TMEM209: variants seen among roughly 807,000 people sequenced by gnomAD.
TMEM209 encodes testicular tissue protein Li 202.
TMEM209 carries 65 observed loss-of-function variants against 76.2 expected under a neutral mutation model. The observed-to-expected ratio is 0.85, with a 90% confidence interval of 0.70 to 1.05. TMEM209 has a LOEUF of 1.05. Ranked by LOEUF, TMEM209 falls within the 50% of genes least tolerant of loss-of-function variation. The pLI is 0.00. For synonymous variants in TMEM209, 239 were observed against 237.6 expected (o/e 1.01, Z -0.06); for missense variants, 623 against 685.5 (o/e 0.91, Z 1.02).
At chr7:130,184,354 GA>G (rs35198708) in intron 7 of TMEM209, 99 bp from the exon 8 acceptor site, 18 of 902,452 alleles carry the variant, frequency 2.0e-5, no homozygotes, top group Admixed American at 9.0e-5. Context: ...AATGAACTTT[GA>G]AAAAAAATTT....
rs78438501 is a variant in TMEM209 at position 130,201,250 on chromosome 7, G to A, written c.573+600C>T. Among the ~76,000 whole-genome samples the A allele has an allele frequency of 3.7e-3, 566 of 151,918 alleles. 6 individuals carry two copies. Among genetic ancestry groups the A allele is most frequent in the African/African-American group, 0.012 (499 of 41,464 alleles). ...CTGAAATGACCACTCTTCTTTCAAC[G>A]CCCCCTTATATTAATAGTTTTATGC... On this transcript the variant is annotated intron_variant, in intron 5 of 14. Transcript: ENST00000397622.
chr7:130,170,242 T>C (rs1797025218), intron 14 of TMEM209, among the ~76,000 whole-genome samples, 158 bp downstream of exon 14: 1 of 152,240 alleles, frequency 6.6e-6, no homozygotes, highest in Non-Finnish European at 1.5e-5. Flanking sequence ...GCTAATGGAT[T>C]GCCCAAAATA....
intron 11 of TMEM209, among the ~76,000 whole-genome samples, chr7:130,174,966 G>A (rs893950419): frequency 6.6e-6 from 1 of 151,810 alleles, no homozygotes; most frequent in African/African-American, 2.4e-5. Flanking sequence ...TTTACATACC[G>A]GAGAATTACA....
intron 6 of TMEM209, among the ~76,000 whole-genome samples, chr7:130,191,817 A>C (rs145367417): frequency 6.6e-6 from 1 of 152,372 alleles, no homozygotes; most frequent in African/African-American, 2.4e-5. Context: ...ACTCTGTATT[A>C]AAGTTTCAGT....
chr7:130,184,501 T>C (rs1797528727), intron 7 of TMEM209, among the ~76,000 whole-genome samples: 1 of 151,384 alleles, frequency 6.6e-6, no homozygotes, highest in Admixed American at 6.6e-5. Flanking sequence ...TTGCTTTTTT[T>C]TTTTTTTTTG....
Position 130,201,849 on chromosome 7 carries a change from CCTT to C in TMEM209, c.571_573del (p.Lys191del). ...ACTAGACAAGAGAAGAGAGTCATTA[CCTT>C]ATTATAACCACTGACGGGCGAGTAG... On this transcript the variant is annotated inframe_deletion and splice_region_variant, in exon 5 of 15. Transcript: ENST00000397622. 9 of 1,613,852 alleles carry C rather than the reference CCTT, an allele frequency of 5.6e-6. No homozygotes were observed. The highest frequency in any genetic ancestry group is 7.6e-6 in the Non-Finnish European group (9 of 1,179,864).
chr7:130,202,627 A>T lies in TMEM209; in HGVS notation c.236T>A (p.Leu79Ter). Reference sequence around the variant, plus strand: ...TTTGAAATATCTCCAAAAATCAAATAAGGCATTAAGGCTGAAGAGAGATGC... The same window carrying T: ...TTTGAAATATCTCCAAAAATCAAATTAGGCATTAAGGCTGAAGAGAGATGC... ...ALASLFSLNALFDFWRYFKYT... is the reference protein window; with the variant it reads ...ALASLFSLNA The change falls in exon 4 of 15, where the codon TTA becomes TAA. Residue 79 changes from leucine to a stop codon, truncating the protein, a stop_gained. Coordinates refer to ENST00000397622, the MANE Select transcript of TMEM209 (RefSeq NM_032842.4). LOFTEE classifies it high-confidence loss of function. 6.2e-7 allele frequency: 1 copy of T among 1,613,904 alleles called. No individual in the cohort carries two copies. Among genetic ancestry groups the T allele is most frequent in the Non-Finnish European group, 8.5e-7 (1 of 1,179,832 alleles).
At chr7:130,185,043 A>G (rs1797549423) in intron 7 of TMEM209, 149 bp downstream of exon 7, 2 of 912,132 alleles carry the variant, frequency 2.2e-6, no homozygotes, top group Non-Finnish European at 3.2e-6. Flanking sequence ...ACACAAAGTA[A>G]GACAGGAGCT....
In TMEM209 at chr7:130,178,560, T is replaced by C. The variant is rs372481966; in HGVS notation, c.1121-33A>G. 17 of 1,609,136 alleles carry C rather than the reference T, an allele frequency of 1.1e-5. No individual in the cohort carries two copies. In the African/African-American group the frequency reaches 1.5e-4, roughly 14 times the overall value. On this transcript the variant is annotated intron_variant, in intron 9 of 14. Transcript: ENST00000397622. ...CATAAAACACAGAGAACACTGATTA[T>C]TCTAAAAGTGAGTTTCCAAAAGAAC...
Position 130,173,642 on chromosome 7 carries a change from T to C in TMEM209, c.1547A>G (p.Asn516Ser), listed in dbSNP as rs764159252. The C allele has an allele frequency of 9.3e-6, 15 of 1,611,528 alleles. No homozygotes were observed. The highest frequency in any genetic ancestry group is 6.6e-5 in the South Asian group (6 of 90,918). The change falls in exon 13 of 15, where the codon AAC (asparagine) becomes AGC (serine). Residue 516 changes from asparagine (N) to serine (S), a missense_variant. By Grantham distance (46) the Asn-to-Ser change is conservative (BLOSUM62 1). Coordinates refer to ENST00000397622, the MANE Select transcript of TMEM209 (RefSeq NM_032842.4). ...TCTATATAGAAATACCTTTGGCAGG[T>C]TGTATACATGACGCTGGTAGATGAG... Reference protein sequence around the residue: ...YELIYQRHVYNLPKGRNNMFH... With the variant: ...YELIYQRHVYSLPKGRNNMFH...
rs1798327169 is a variant in TMEM209 at position 130,204,082 on chromosome 7, G to C, written c.32C>G (p.Ser11Cys). The part of the protein sequence containing the change: MMQGEAHPSA[S>C]LIDRTIKMRK... Reference sequence around the variant, plus strand: ...CATCTTGATGGTTCTGTCAATAAGGGAAGCACTAGGGTGTGCCTCCCCCTG... The same window carrying C: ...CATCTTGATGGTTCTGTCAATAAGGCAAGCACTAGGGTGTGCCTCCCCCTG... Residue 11 changes from serine (S) to cysteine (C), a missense_variant, in exon 2 of 15, where the codon TCC (serine) becomes TGC (cysteine). Physicochemically the swap from Ser to Cys is moderately radical, Grantham distance 112. Coordinates refer to ENST00000397622, the MANE Select transcript of TMEM209 (RefSeq NM_032842.4). The C allele has an allele frequency of 6.2e-7, 1 of 1,612,200 alleles. No homozygotes were observed. The highest frequency in any genetic ancestry group is 8.5e-7 in the Non-Finnish European group (1 of 1,179,248).
At chr7:130,190,031 G>A (rs1161109734) in intron 6 of TMEM209, among the ~76,000 whole-genome samples, 3 of 152,128 alleles carry the variant, frequency 2.0e-5, no homozygotes, top group African/African-American at 7.2e-5. Flanking sequence ...GAATGATAGT[G>A]TCATGTCAAA....
At chr7:130,185,661 A>C (rs1797574452) in intron 6 of TMEM209, among the ~76,000 whole-genome samples, 1 of 152,226 alleles carries the variant, frequency 6.6e-6, no homozygotes, top group Non-Finnish European at 1.5e-5. Context: ...AGACTTTTAA[A>C]TCATTTAGTA....
In TMEM209 at chr7:130,203,808, T is replaced by C. The variant is rs371175751; in HGVS notation, c.179A>G (p.Tyr60Cys). 4.4e-6 allele frequency: 7 copies of C among 1,605,544 alleles called. No homozygotes were observed. In the African/African-American group the frequency reaches 8.0e-5, roughly 18 times the overall value. The change falls in exon 3 of 15, where the codon TAC becomes TGC. Residue 60 changes from tyrosine to cysteine, a missense_variant. Transcript: ENST00000397622. ...KLISSYYNVT[Y>C]WPLWYIELAL... is the part of the protein sequence containing the mutation. ...CTTACCAATATACCAGAGGGGCCAG[T>C]ATGTCACATTGTAGTATGAACTAAT... is the stretch of plus-strand genomic sequence containing the variant.
Position 130,201,893 on chromosome 7 carries a change from T to C in TMEM209, c.530A>G (p.Tyr177Cys), listed in dbSNP as rs775894905. ...QGLSSGGSGS[Y>C]SPGVTYSPVS... ...GGGCGAGTAGGTCACTCCAGGGCTA[T>C]AAGAACCACTGCCACCTGAGGACAG... is the stretch of plus-strand genomic sequence containing the variant. The change falls in exon 5 of 15, where the codon TAT becomes TGT. Residue 177 changes from tyrosine to cysteine, a missense_variant. Tyr to Cys is a radical substitution (Grantham distance 194). Coordinates refer to ENST00000397622, the MANE Select transcript of TMEM209 (RefSeq NM_032842.4). 55 of 1,613,976 alleles carry C rather than the reference T, an allele frequency of 3.4e-5. No individual in the cohort carries two copies. Among genetic ancestry groups the C allele is most frequent in the Non-Finnish European group, 4.7e-5 (55 of 1,179,886 alleles).
At chr7:130,188,468 C>T (rs1206095620) in intron 6 of TMEM209, among the ~76,000 whole-genome samples, 3 of 151,798 alleles carry the variant, frequency 2.0e-5, no homozygotes, top group African/African-American at 4.8e-5. Context: ...TGGTGGCAGG[C>T]ACCTGTAGTC....
At chr7:130,196,593 G>T (rs1439372205) in intron 5 of TMEM209, among the ~76,000 whole-genome samples, 1 of 152,092 alleles carries the variant, frequency 6.6e-6, no homozygotes, top group Non-Finnish European at 1.5e-5. Context: ...GAAGTAAAGG[G>T]GTAATTAACC....
At chr7:130,179,694 A>T (rs1474632526) in intron 9 of TMEM209, among the ~76,000 whole-genome samples, 5 of 152,202 alleles carry the variant, frequency 3.3e-5, no homozygotes, top group Admixed American at 2.0e-4. Context: ...CTTGAAATAT[A>T]TCCAGATGCA....
intron 13 of TMEM209, among the ~76,000 whole-genome samples, chr7:130,171,721 C>T (rs1370646054): frequency 6.6e-6 from 1 of 152,106 alleles, no homozygotes; most frequent in Admixed American, 6.6e-5. Context: ...ATCAACAGAA[C>T]TGATGCTTGT....
Sources: gnomAD v4.1 joint callset for allele counts (sites outside exome capture counted in the v4.1 genomes callset) on GRCh38, gnomAD v4.1.1 for gene constraint, MANE v1.5 for transcripts, NCBI Gene and HGNC (gene_info 2026-07-23, HGNC 2026-07-21) for gene names.